The following TNFRSF1A variants were observed in gnomAD, a reference collection of about 807,000 sequenced individuals.
TNFRSF1A encodes tumor necrosis factor receptor superfamily member 1A.
TNFRSF1A carries 9 observed loss-of-function variants against 41.6 expected under a neutral mutation model. That is an observed-to-expected ratio of 0.22 (90% confidence interval 0.13 to 0.38). TNFRSF1A has a LOEUF of 0.38. TNFRSF1A is among the 10% of genes least tolerant of loss of function. The pLI, the probability that TNFRSF1A is intolerant of heterozygous loss-of-function variation, is 1.00. For synonymous variants in TNFRSF1A, 254 were observed against 248.6 expected, an observed-to-expected ratio of 1.02 and a Z score of -0.21; for missense variants, 463 against 591.5, an observed-to-expected ratio of 0.78 and a Z score of 2.25.
intron 1 of TNFRSF1A, among the ~76,000 whole-genome samples, chr12:6,338,788 C>T (rs546487461): frequency 6.6e-6 from 1 of 152,086 alleles, no homozygotes; most frequent in African/African-American, 2.4e-5. Flanking sequence ...CCCCACCATG[C>T]CCCGCTAATC....
chr12:6,339,250 G>A (rs1253045387), intron 1 of TNFRSF1A, among the ~76,000 whole-genome samples: 1 of 152,160 alleles, frequency 6.6e-6, no homozygotes, highest in Non-Finnish European at 1.5e-5. Context: ...CTGACAGGCA[G>A]TGACTTCAGA....
At chr12:6,338,476 C>T (rs529562633) in intron 1 of TNFRSF1A, among the ~76,000 whole-genome samples, 11 of 152,252 alleles carry the variant, frequency 7.2e-5, no homozygotes, top group East Asian at 5.8e-4. Context: ...TTAACTTGCA[C>T]GCACAAGTGT....
intron 1 of TNFRSF1A, among the ~76,000 whole-genome samples, chr12:6,335,763 T>A (rs1282731260): frequency 6.6e-6 from 1 of 152,064 alleles, no homozygotes; most frequent in Non-Finnish European, 1.5e-5. Flanking sequence ...CCTCACCAAC[T>A]CCACATTTCG....
chr12:6,335,138 T>C (rs1948104495), intron 1 of TNFRSF1A, among the ~76,000 whole-genome samples: 1 of 152,128 alleles, frequency 6.6e-6, no homozygotes, highest in African/African-American at 2.4e-5. Context: ...GAAGGAAGTT[T>C]ATTTACATGT....
At position 6,341,186 on chromosome 12, in the gene TNFRSF1A, C is replaced by T. The variant is rs867573823; in HGVS notation, c.39+590G>A. On this transcript the variant is annotated intron_variant, in intron 1 of 9. Coordinates refer to ENST00000162749, the MANE Select transcript of TNFRSF1A (RefSeq NM_001065.4). This position sits in a 1 kb window ranked among gnomAD's most constrained non-coding sequence, Gnocchi z 4.6. ...GGTTGCCCTGCCCCATCCAGTGTCC[C>T]AGCCCATTCTCAAATACCTCCCACC... Among the ~76,000 whole-genome samples, 1 of 152,142 alleles carries T rather than the reference C, an allele frequency of 6.6e-6. No homozygotes were observed. The highest frequency in any genetic ancestry group is 2.1e-4 in the South Asian group (1 of 4,824).
Position 6,334,642 on chromosome 12 carries a change from C to T in TNFRSF1A, c.40-398G>A, listed in dbSNP as rs921070780. 3.9e-5 allele frequency among the ~76,000 whole-genome samples: 6 copies of T among 152,068 alleles called. No individual in the cohort carries two copies. The highest frequency in any genetic ancestry group is 7.4e-5 in the Non-Finnish European group (5 of 68,020). ...CCTCCTGAATAGCTGGGACTACGGC[C>T]GTGAACCACCATGCCCAGCTAATTT... is the stretch of plus-strand genomic sequence containing the variant. On this transcript the variant is annotated intron_variant, in intron 1 of 9. Transcript: ENST00000162749. The surrounding 1 kb of genome is among the most constrained non-coding windows in gnomAD (Gnocchi z 5.1).
chr12:6,329,306 G>A lies in TNFRSF1A; in HGVS notation c.*6C>T, dbSNP rs1192289429. 1.4e-6 allele frequency: 2 copies of A among 1,466,358 alleles called. No homozygotes were observed. Among genetic ancestry groups the A allele is most frequent in the Non-Finnish European group, 1.8e-6 (2 of 1,118,202 alleles). The allele number at this position is 1,466,358 out of a possible 1,614,324, so 90.8% of individuals were successfully genotyped here. ...GGTCCTTAGAGCTGCCCGCAGGGGCGCAGCCTCATCTGAGAAGACTGGGCG... is the reference window on the plus strand; with the variant it reads ...GGTCCTTAGAGCTGCCCGCAGGGGCACAGCCTCATCTGAGAAGACTGGGCG... On this transcript the variant is annotated 3_prime_UTR_variant, in exon 10 of 10. Transcript: ENST00000162749.
Position 6,329,199 on chromosome 12 carries a change from A to T in TNFRSF1A, c.*113T>A. ...GTACATCGAGGGGTTAGCACCAAGT[A>T]GGCGGCTGCTAGCTCCTGCTTGCCC... On this transcript the variant is annotated 3_prime_UTR_variant, in exon 10 of 10. Coordinates refer to ENST00000162749, the MANE Select transcript of TNFRSF1A (RefSeq NM_001065.4). 9.5e-7 allele frequency: 1 copy of T among 1,047,794 alleles called. No individual in the cohort carries two copies. Among genetic ancestry groups the T allele is most frequent in the Non-Finnish European group, 1.3e-6 (1 of 762,346 alleles). The allele number at this position is 1,047,794 out of a possible 1,614,324, so 64.9% of individuals were successfully genotyped here. A position where few individuals can be genotyped will look rare whatever the true frequency, so the allele number is the denominator to read the frequency against.
Position 6,330,842 on chromosome 12 carries a change from C to T in TNFRSF1A, c.625+11G>A. 6.2e-7 allele frequency: 1 copy of T among 1,613,370 alleles called. No individual in the cohort carries two copies. The highest frequency in any genetic ancestry group is 8.5e-7 in the Non-Finnish European group (1 of 1,179,526). On this transcript the variant is annotated intron_variant, in intron 6 of 9. Transcript: ENST00000162749. ...GCAGGTGAGCATGGGCACCAGGTCA[C>T]TTCTCCTCACCTGAGTCCTCAGTGC...
chr12:6,338,979 T>C (rs1006219347), intron 1 of TNFRSF1A, among the ~76,000 whole-genome samples: 4 of 152,188 alleles, frequency 2.6e-5, no homozygotes, highest in Non-Finnish European at 5.9e-5. Context: ...GAATGTGCCC[T>C]AGGAGAACAG....
intron 1 of TNFRSF1A, among the ~76,000 whole-genome samples, chr12:6,338,222 G>A (rs1291018497): frequency 6.6e-6 from 1 of 152,004 alleles, no homozygotes; most frequent in East Asian, 1.9e-4. Context: ...TCCTCACCTA[G>A]ACAAATGACA....
At chr12:6,330,150 TAGAG>T in intron 8 of TNFRSF1A, 84 bp from the exon 9 acceptor site, 1 of 1,611,042 alleles carries the variant, frequency 6.2e-7, no homozygotes, top group Non-Finnish European at 8.5e-7. Flanking sequence ...GGTTGGGACT[TAGAG>T]GGAATGAGGC....
Position 6,333,615 on chromosome 12 carries a change from C to G in TNFRSF1A, c.323-99G>C. ...AGTGTGTGTCTCTGTAATACACACT[C>G]ACATCCATGCAGTGTCCCACCAAAA... On this transcript the variant is annotated intron_variant, in intron 3 of 9. Transcript: ENST00000162749. The surrounding 1 kb of genome is among the most constrained non-coding windows in gnomAD (Gnocchi z 6.3). The G allele has an allele frequency of 2.5e-6, 4 of 1,582,782 alleles. No individual in the cohort carries two copies. The highest frequency in any genetic ancestry group is 3.4e-6 in the Non-Finnish European group (4 of 1,160,950).
rs574111743 is a variant in TNFRSF1A at position 6,333,181 on chromosome 12, A to G, written c.473-34T>C. 3.9e-5 allele frequency: 63 copies of G among 1,606,850 alleles called. 3 individuals carry two copies. The South Asian group carries it at 5.7e-4, about 15-fold the overall frequency. On this transcript the variant is annotated intron_variant, in intron 4 of 9. Coordinates refer to ENST00000162749, the MANE Select transcript of TNFRSF1A (RefSeq NM_001065.4). This position sits in a 1 kb window ranked among gnomAD's most constrained non-coding sequence, Gnocchi z 6.3. ...AGAAGTGCGGCACAGCTAAAGGAGA[A>G]GCGCCTGCACCCCCACCCCACAGGA...
chr12:6,329,530 C>A lies in TNFRSF1A; in HGVS notation c.1150G>T (p.Glu384Ter). The stretch of plus-strand genomic sequence containing the variant: ...TTCTGCAGCTCCAGCCGATCGATCT[C>A]GTGGTCGCTCAGCCCTAGGCGCCGC... ...FVRRLGLSDH[E>*]IDRLELQNGR... Residue 384 changes from glutamate (E) to a stop codon, truncating the protein, a stop_gained, in exon 10 of 10, where the codon GAG becomes TAG. Transcript: ENST00000162749. LOFTEE classifies it low-confidence loss of function (END_TRUNC). 6.3e-7 allele frequency: 1 copy of A among 1,594,718 alleles called. No homozygotes were observed. The highest frequency in any genetic ancestry group is 2.2e-5 in the East Asian group (1 of 44,600).
intron 6 of TNFRSF1A, 54 bp downstream of exon 6, chr12:6,330,799 G>A: frequency 6.3e-7 from 1 of 1,589,878 alleles, no homozygotes. Flanking sequence ...GACGGGTGGG[G>A]GCAAGAAGAG....
Position 6,334,125 on chromosome 12 carries a change from T to C in TNFRSF1A, c.159A>G (p.Gln53=), listed in dbSNP as rs773708644. 3.1e-6 allele frequency: 5 copies of C among 1,614,070 alleles called. No individual in the cohort carries two copies. The highest frequency in any genetic ancestry group is 2.7e-5 in the African/African-American group (2 of 74,912). ...ACTTGGTACAGCAAATCGAATTATT[T>C]TGAGGGTGGATATATTTTCCTTGGG... The part of the protein sequence containing the change: ...VCPQGKYIHP[Q]NNSICCTKCH... Residue 53 remains glutamine, a synonymous_variant, in exon 2 of 10, where the codon CAA becomes CAG. Coordinates refer to ENST00000162749, the MANE Select transcript of TNFRSF1A (RefSeq NM_001065.4). The surrounding 1 kb of genome is among the most constrained non-coding windows in gnomAD (Gnocchi z 5.1).
In TNFRSF1A at chr12:6,329,941, G is replaced by C. The variant is rs1057523965; in HGVS notation, c.894C>G (p.Thr298=). The C allele has an allele frequency of 6.4e-7, 1 of 1,572,054 alleles. No homozygotes were observed. Among genetic ancestry groups the C allele is most frequent in the Non-Finnish European group, 8.6e-7 (1 of 1,157,062 alleles). ...VPSSTFTSSS[T]YTPGDCPNFA... ...AGTTGGGACAGTCACCGGGGGTATA[G>C]GTGGAGCTGGAGGTGAAGGTGGAAC... Residue 298 remains threonine, a synonymous_variant, in exon 9 of 10, where the codon ACC becomes ACG. Coordinates refer to ENST00000162749, the MANE Select transcript of TNFRSF1A (RefSeq NM_001065.4).
At position 6,329,868 on chromosome 12, in the gene TNFRSF1A, G is replaced by A. The variant is rs1484125625; in HGVS notation, c.967C>T (p.Pro323Ser). 6.3e-7 allele frequency: 1 copy of A among 1,596,710 alleles called. No individual in the cohort carries two copies. ...EVAPPYQGAD[P>S]ILATALASDP... ...GAGGCGAGGGCTGTCGCAAGGATGG[G>A]GTCAGCCCCCTGATAGGGTGGTGCC... Residue 323 changes from proline to serine, a missense_variant, in exon 9 of 10, where the codon CCC becomes TCC. Around this residue, in one of 4 missense-constraint regions of TNFRSF1A, gnomAD observed 277 missense variants for 288.8 expected, o/e 0.96. Coordinates refer to ENST00000162749, the MANE Select transcript of TNFRSF1A (RefSeq NM_001065.4).
Sources: gnomAD v4.1 joint callset for allele counts (sites outside exome capture counted in the v4.1 genomes callset) on GRCh38, gnomAD v4.1.1 for gene constraint, gnomAD v4.1.1 regional missense constraint, Gnocchi (gnomAD v3.1) non-coding constraint, MANE v1.5 for transcripts, NCBI Gene and HGNC (gene_info 2026-07-23, HGNC 2026-07-21) for gene names.